TENM1: variants seen among roughly 807,000 people sequenced by gnomAD.
The protein encoded by TENM1 is teneurin-1.
A neutral mutation model predicts 174.8 loss-of-function variants in TENM1; 35 were observed. The ratio of observed to expected loss-of-function variants is 0.20; its 90% CI spans 0.15 to 0.27. The LOEUF (loss-of-function observed/expected upper bound fraction) is 0.27, where lower values mean the gene tolerates loss of function less well. Among genes scored for constraint, TENM1 ranks in the 10% least tolerant of loss-of-function variants. TENM1 has a pLI of 1.00. For synonymous variants in TENM1, 781 were observed against 798.7 expected (o/e 0.98, Z 0.37); for missense variants, 1,633 against 2,130.1 (o/e 0.77, Z 4.59).
chrX:124,955,694 T>C (rs1253348927), intron 1 of TENM1, among the ~76,000 whole-genome samples: 1 of 110,697 alleles, frequency 9.0e-6, no homozygotes, highest in Non-Finnish European at 1.9e-5. Context: ...GGGATTTTGA[T>C]AGGGATTACA....
At chrX:124,751,865 C>T (rs1342013512) in intron 3 of TENM1, among the ~76,000 whole-genome samples, 1 of 110,523 alleles carries the variant, frequency 9.0e-6, no homozygotes, top group African/African-American at 3.3e-5. Flanking sequence ...TGAATATGTG[C>T]CACATTTACT....
Position 124,616,146 on chromosome X carries a change from TG to T in TENM1, c.2077+25644del, listed in dbSNP as rs756373982. Among the ~76,000 whole-genome samples, 111 of 112,748 alleles carry T rather than the reference TG, an allele frequency of 9.8e-4. No homozygotes were observed. In the East Asian group the frequency reaches 0.021, roughly 21 times the overall value. On this transcript the variant is annotated intron_variant, in intron 11 of 31. Transcript: ENST00000422452. The stretch of plus-strand genomic sequence containing the variant: ...ATATTGGATATCTGAATGGATAAAT[TG>T]GCCACATATCTATTCTAATTGATAC...
chrX:124,466,342 GAAAAC>G (rs1046327850), intron 22 of TENM1, among the ~76,000 whole-genome samples: 1 of 112,054 alleles, frequency 8.9e-6, no homozygotes, highest in African/African-American at 3.2e-5. Flanking sequence ...ATAAAGGAAT[GAAAAC>G]AAAACAAAAC....
chrX:125,058,255 TTA>T, the TENM1 span, among the ~76,000 whole-genome samples: 1 of 111,735 alleles, frequency 8.9e-6, no homozygotes, highest in Non-Finnish European at 1.9e-5. Context: ...CATTCACTGT[TTA>T]AAACTGAAAT....
the TENM1 span, among the ~76,000 whole-genome samples, chrX:125,067,756 G>T: frequency 8.9e-6 from 1 of 112,184 alleles, no homozygotes; most frequent in Non-Finnish European, 1.9e-5. Flanking sequence ...TTCAAAAGGG[G>T]ATGCTTTTGT....
At chrX:124,450,032 T>C (rs1016957656) in intron 23 of TENM1, among the ~76,000 whole-genome samples, 3 of 110,736 alleles carry the variant, frequency 2.7e-5, no homozygotes, top group African/African-American at 9.9e-5. Flanking sequence ...TTGTAACTCC[T>C]ACAATTCCCA....
At chrX:124,603,290 G>A (rs1328844249) in intron 11 of TENM1, among the ~76,000 whole-genome samples, 1 of 111,931 alleles carries the variant, frequency 8.9e-6, no homozygotes, top group African/African-American at 3.2e-5. Flanking sequence ...ACATATAGCA[G>A]TTGCACTGTA....
intron 3 of TENM1, among the ~76,000 whole-genome samples, chrX:124,744,267 C>A (rs976032696): frequency 4.5e-5 from 5 of 111,462 alleles, no homozygotes; most frequent in Non-Finnish European, 9.4e-5. Context: ...ATGGATATAA[C>A]TCTGCTAATA....
At chrX:124,734,376 G>A (rs919535597) in intron 4 of TENM1, among the ~76,000 whole-genome samples, 10 of 111,088 alleles carry the variant, frequency 9.0e-5, no homozygotes, top group Non-Finnish European at 1.3e-4. Flanking sequence ...TTTGAATCCA[G>A]GAAGTGGAGG....
chrX:124,514,812 A>C (rs1019667640), intron 18 of TENM1, among the ~76,000 whole-genome samples: 1 of 111,199 alleles, frequency 9.0e-6, no homozygotes, highest in Admixed American at 9.6e-5. Context: ...GAATTATTCC[A>C]AAAAATTGAG....
intron 25 of TENM1, chrX:124,411,828 G>T (rs924544645): frequency 8.9e-6 from 1 of 112,246 alleles, no homozygotes; most frequent in Non-Finnish European, 1.9e-5. Flanking sequence ...ACAGGGGAAT[G>T]CATCTTTCCA....
intron 1 of TENM1, among the ~76,000 whole-genome samples, chrX:124,930,886 C>T (rs987413684): frequency 5.4e-5 from 6 of 111,814 alleles, no homozygotes; most frequent in African/African-American, 1.3e-4. Flanking sequence ...GCTTAAGACA[C>T]GTGCTAATTC....
intron 11 of TENM1, among the ~76,000 whole-genome samples, chrX:124,566,034 T>C (rs767480186): frequency 8.9e-6 from 1 of 111,890 alleles, no homozygotes; most frequent in Non-Finnish European, 1.9e-5. Flanking sequence ...TGGGTTTCAC[T>C]AAAAATTCAT....
At chrX:124,438,676 C>T (rs551226790) in intron 23 of TENM1, among the ~76,000 whole-genome samples, 17 of 111,832 alleles carry the variant, frequency 1.5e-4, no homozygotes, top group East Asian at 2.8e-4. Flanking sequence ...CCCCTGACAA[C>T]TTTGGCTATT....
chrX:124,487,320 C>A, intron 20 of TENM1, 91 bp from the exon 24 acceptor site: 2 of 815,768 alleles, frequency 2.5e-6, no homozygotes, highest in Non-Finnish European at 1.8e-6. Flanking sequence ...CCAGACACAC[C>A]AATTCCTAAC....
chrX:124,517,471 A>G (rs1041216321), intron 18 of TENM1, among the ~76,000 whole-genome samples: 12 of 109,641 alleles, frequency 1.1e-4, no homozygotes, highest in African/African-American at 4.0e-4. Context: ...ACCATGGAAT[A>G]CTATGCAGCC....
chrX:124,906,356 G>T (rs759451734), intron 1 of TENM1, among the ~76,000 whole-genome samples: 31 of 111,876 alleles, frequency 2.8e-4, no homozygotes, highest in African/African-American at 8.7e-4. Flanking sequence ...ATTATAAGTT[G>T]AACCATTGTA....
chrX:124,662,788 T>C (rs1302990513), intron 6 of TENM1, among the ~76,000 whole-genome samples: 1 of 112,111 alleles, frequency 8.9e-6, no homozygotes, highest in East Asian at 2.8e-4. Flanking sequence ...TTTAAGCCTG[T>C]TAATCACCTA....
the TENM1 span, among the ~76,000 whole-genome samples, chrX:125,074,320 T>C: frequency 2.7e-5 from 3 of 109,374 alleles, no homozygotes; most frequent in East Asian, 5.8e-4. Context: ...GACTCCCAGG[T>C]TGGCCACTCT....
Sources: gnomAD v4.1 joint callset for allele counts (sites outside exome capture counted in the v4.1 genomes callset) on GRCh38, gnomAD v4.1.1 for gene constraint, MANE v1.5 for transcripts, NCBI Gene and HGNC (gene_info 2026-07-23, HGNC 2026-07-21) for gene names.